Variants in FANCL observed in about 807,000 individuals in gnomAD.
FANCL encodes the protein FA complementation group L.
FANCL carries 69 observed loss-of-function variants against 59.4 expected under a neutral mutation model. The observed-to-expected ratio is 1.16, with a 90% CI of 0.96 to 1.42. The LOEUF (loss-of-function observed/expected upper bound fraction) is 1.42, where lower values mean the gene tolerates loss of function less well. FANCL is among the 40% of genes most tolerant of loss of function. The probability of loss-of-function intolerance (pLI) is 0.00; values close to 1 mark genes in which losing one functional copy is unlikely to be tolerated. For synonymous variants in FANCL, 180 were observed against 147.1 expected, an observed-to-expected ratio of 1.22 and a Z score of -1.62; for missense variants, 519 against 447.2, an observed-to-expected ratio of 1.16 and a Z score of -1.45.
intron 7 of FANCL, among the ~76,000 whole-genome samples, chr2:58,186,825 T>A (rs745726117): frequency 6.6e-6 from 1 of 152,124 alleles, no homozygotes; most frequent in Non-Finnish European, 1.5e-5. Flanking sequence ...TGAAGCAATG[T>A]GGTTGAGTAA....
intron 3 of FANCL, among the ~76,000 whole-genome samples, chr2:58,228,710 G>C (rs1558821809): frequency 6.6e-6 from 1 of 152,136 alleles, no homozygotes; most frequent in Non-Finnish European, 1.5e-5. Context: ...GAAAAGAATA[G>C]TAATATTCAC....
At chr2:58,162,829 A>G in intron 11 of FANCL, 37 bp downstream of exon 11, 1 of 1,547,654 alleles carries the variant, frequency 6.5e-7, no homozygotes, top group African/African-American at 1.4e-5. Flanking sequence ...TCATTATGCA[A>G]TACTGTCTGG....
At chr2:58,230,095 A>G (rs370100534) in intron 2 of FANCL, among the ~76,000 whole-genome samples, 2 of 152,222 alleles carry the variant, frequency 1.3e-5, no homozygotes, top group Non-Finnish European at 2.9e-5. Context: ...AATGACATGC[A>G]AACAGTACAT....
At chr2:58,220,744 C>T (rs1286826124) in intron 5 of FANCL, among the ~76,000 whole-genome samples, 2 of 151,934 alleles carry the variant, frequency 1.3e-5, no homozygotes, top group Non-Finnish European at 2.9e-5. Context: ...TAGAAAATAG[C>T]TAAAAAACAG....
At chr2:58,208,735 T>C (rs1690831540) in intron 5 of FANCL, among the ~76,000 whole-genome samples, 1 of 152,218 alleles carries the variant, frequency 6.6e-6, no homozygotes, top group Non-Finnish European at 1.5e-5. Context: ...ATATCTGGAT[T>C]ACTAGAAACA....
chr2:58,233,281 G>C (rs902212215), intron 1 of FANCL, among the ~76,000 whole-genome samples: 4 of 151,992 alleles, frequency 2.6e-5, no homozygotes, highest in African/African-American at 7.2e-5. Context: ...TTATCTGAAA[G>C]AATAAAATTC....
At position 58,186,252 on chromosome 2, in the gene FANCL, C is replaced by T. The variant is rs1443196797; in HGVS notation, c.540+12342G>A. Reference sequence around the variant, plus strand: ...AATCTTGAAAAATAAGTCAAATAATCAAAAAGCAAACATCAGAATTTTCTT... The same window carrying T: ...AATCTTGAAAAATAAGTCAAATAATTAAAAAGCAAACATCAGAATTTTCTT... On this transcript the variant is annotated intron_variant, in intron 7 of 13. Coordinates refer to ENST00000233741, the MANE Select transcript of FANCL (RefSeq NM_018062.4). Among the ~76,000 whole-genome samples the T allele has an allele frequency of 2.0e-5, 3 of 152,058 alleles. No individual in the cohort carries two copies. The East Asian group carries it at 5.8e-4, about 29-fold the overall frequency.
chr2:58,198,685 G>T, intron 6 of FANCL, 23 bp from the exon 7 acceptor site: 1 of 1,585,422 alleles, frequency 6.3e-7, no homozygotes, highest in Non-Finnish European at 8.7e-7. Context: ...CATAACATTA[G>T]ACCATTTTTG....
chr2:58,184,225 C>T (rs1366720439), intron 7 of FANCL, among the ~76,000 whole-genome samples: 25 of 151,896 alleles, frequency 1.6e-4, no homozygotes, highest in Non-Finnish European at 1.5e-5. Context: ...ATTTAATATA[C>T]AATAACAATT....
rs542933630 is a variant in FANCL at position 58,194,422 on chromosome 2, T to C, written c.540+4172A>G. 8.1e-5 allele frequency: 32 copies of C among 393,360 alleles called. No homozygotes were observed. In the East Asian group the frequency reaches 2.2e-3, roughly 27 times the overall value. The allele number at this position is 393,360 out of a possible 1,614,324, so 24.4% of individuals were successfully genotyped here. A position where few individuals can be genotyped will look rare whatever the true frequency, so the allele number is the denominator to read the frequency against. Reference sequence around the variant, plus strand: ...AGCATTAAGGATATATTTTGAAGCATTTGTGATGTTAGAAAGTAGAATAAA... The same window carrying C: ...AGCATTAAGGATATATTTTGAAGCACTTGTGATGTTAGAAAGTAGAATAAA... On this transcript the variant is annotated intron_variant, in intron 7 of 13. Transcript: ENST00000233741.
chr2:58,202,557 T>TTA (rs1160471298), intron 6 of FANCL, among the ~76,000 whole-genome samples: 1 of 151,764 alleles, frequency 6.6e-6, no homozygotes, highest in Non-Finnish European at 1.5e-5. Flanking sequence ...CCTTCCCAGC[T>TTA]TAAATAAAGC....
intron 5 of FANCL, among the ~76,000 whole-genome samples, chr2:58,219,927 C>G (rs541238187): frequency 6.6e-6 from 1 of 152,080 alleles, no homozygotes; most frequent in Admixed American, 6.5e-5. Flanking sequence ...ACATAAAATC[C>G]CTACTGCATA....
chr2:58,196,734 C>T (rs921596413), intron 7 of FANCL, among the ~76,000 whole-genome samples: 2 of 151,740 alleles, frequency 1.3e-5, no homozygotes, highest in African/African-American at 4.8e-5. Context: ...CAGATAAATG[C>T]CTGGGGAAAC....
At chr2:58,214,378 C>G (rs1443225227) in intron 5 of FANCL, among the ~76,000 whole-genome samples, 2 of 152,130 alleles carry the variant, frequency 1.3e-5, no homozygotes, top group Non-Finnish European at 2.9e-5. Context: ...ATATACTTGA[C>G]TATTTCTCTT....
Position 58,230,899 on chromosome 2 carries a change from CCTT to C in FANCL, c.156-1028_156-1026del, listed in dbSNP as rs540068492. On this transcript the variant is annotated intron_variant, in intron 2 of 13. Transcript: ENST00000233741. ...TATATCTTTAAAGAACATCATAACT[CCTT>C]CTTGAATGCATACCATTCTCTAACC... Among the ~76,000 whole-genome samples the C allele has an allele frequency of 1.7e-3, 254 of 152,302 alleles. 1 individual carries two copies. The highest frequency in any genetic ancestry group is 2.9e-3 in the Admixed American group (45 of 15,300).
chr2:58,201,407 T>C (rs1156612936), intron 6 of FANCL, among the ~76,000 whole-genome samples: 5 of 151,986 alleles, frequency 3.3e-5, no homozygotes, highest in African/African-American at 9.6e-5. Flanking sequence ...AAGTATATAT[T>C]TTTATCACAC....
rs116418157 is a variant in FANCL at position 58,181,475 on chromosome 2, T to C, written c.541-15601A>G. ...TGGTGTATCCATTTACTGGAACTTA[T>C]GGAACACTTAAGATTTATGCACTTT... is the stretch of plus-strand genomic sequence containing the variant. On this transcript the variant is annotated intron_variant, in intron 7 of 13. Coordinates refer to ENST00000233741, the MANE Select transcript of FANCL (RefSeq NM_018062.4). Among the ~76,000 whole-genome samples, 750 of 152,174 alleles carry C rather than the reference T, an allele frequency of 4.9e-3. 7 individuals carry two copies. Among genetic ancestry groups the C allele is most frequent in the African/African-American group, 0.016 (660 of 41,566 alleles).
chr2:58,230,115 T>C (rs891422746), intron 2 of FANCL, among the ~76,000 whole-genome samples: 11 of 152,154 alleles, frequency 7.2e-5, no homozygotes, highest in Admixed American at 2.0e-4. Context: ...TCTTGTTTTT[T>C]AACTTTAACA....
At chr2:58,183,621 T>TA (rs1410711596) in intron 7 of FANCL, among the ~76,000 whole-genome samples, 1 of 151,948 alleles carries the variant, frequency 6.6e-6, no homozygotes, top group Admixed American at 6.6e-5. Context: ...GGTTATATTT[T>TA]AAAAATCCTC....
Sources: allele counts gnomAD v4.1 joint callset (sites outside exome capture counted in the v4.1 genomes callset), GRCh38; gene constraint gnomAD v4.1.1; transcripts MANE v1.5; gene names NCBI Gene and HGNC (gene_info 2026-07-23, HGNC 2026-07-21).